SP3: variants seen among roughly 807,000 people sequenced by gnomAD.
SP3 encodes the protein Sp3 transcription factor, also known as transcription factor Sp3.
Under a neutral mutation model 70.3 loss-of-function variants are expected in SP3, and 10 were observed. That is an observed-to-expected ratio of 0.14 (90% CI 0.09 to 0.24). The LOEUF is 0.24. SP3 is among the 10% of genes least tolerant of loss of function. SP3 has a pLI of 1.00. For missense variants in SP3, 825 were observed against 914.6 expected, an observed-to-expected ratio of 0.90 and a Z score of 1.26; for synonymous variants, 402 against 333.5, an observed-to-expected ratio of 1.21 and a Z score of -2.24.
intron 3 of SP3, among the ~76,000 whole-genome samples, chr2:173,963,546 G>A (rs1218075698): frequency 2.0e-5 from 3 of 152,250 alleles, no homozygotes; most frequent in Middle Eastern, 3.4e-3. Flanking sequence ...TGAAGATTTT[G>A]CGCGAGGTGC....
In SP3 at chr2:173,909,906, A is replaced by C; in HGVS notation, c.*35T>G. 1 of 1,594,092 alleles carries C rather than the reference A, an allele frequency of 6.3e-7. No homozygotes were observed. The highest frequency in any genetic ancestry group is 8.6e-7 in the Non-Finnish European group (1 of 1,164,484). ...ACAATATTCTTCTCACTACTGTATA[A>C]AAATAACCACAATGAATAAGTATTT... On this transcript the variant is annotated 3_prime_UTR_variant, in exon 7 of 7. Coordinates refer to ENST00000310015, the MANE Select transcript of SP3 (RefSeq NM_003111.5).
rs1034636444 is a variant in SP3 at position 173,908,363 on chromosome 2, T to C, written c.*1578A>G. The C allele has an allele frequency of 2.0e-5, 3 of 152,442 alleles. No homozygotes were observed. Among genetic ancestry groups the C allele is most frequent in the Non-Finnish European group, 4.4e-5 (3 of 67,912 alleles). The allele number at this position is 152,442 out of a possible 1,614,324, so 9.4% of individuals were successfully genotyped here. A position where few individuals can be genotyped will look rare whatever the true frequency, so the allele number is the denominator to read the frequency against. On this transcript the variant is annotated 3_prime_UTR_variant, in exon 7 of 7. Transcript: ENST00000310015. ...TTATTTACTCTAGGTAAAAAATTAG[T>C]AAATGACCAGTGTCTCTATATATCT...
Position 173,904,945 on chromosome 2 carries a change from G to A in SP3, c.*4996C>T, listed in dbSNP as rs4972420. Among the ~76,000 whole-genome samples the A allele has an allele frequency of 0.036, 5,466 of 152,220 alleles. 165 individuals are homozygous for A. Among genetic ancestry groups the A allele is most frequent in the Admixed American group, 0.1 (1,576 of 15,294 alleles). ...CAGTGCTAGACTTTATCTTTCAGTCGCAATGAACCTGAAGATTCTTCGGCT... is the reference window on the plus strand; with the variant it reads ...CAGTGCTAGACTTTATCTTTCAGTCACAATGAACCTGAAGATTCTTCGGCT... On this transcript the variant is annotated 3_prime_UTR_variant, in exon 7 of 7. Coordinates refer to ENST00000310015, the MANE Select transcript of SP3 (RefSeq NM_003111.5).
At chr2:173,940,735 C>T (rs1300849247) in intron 4 of SP3, among the ~76,000 whole-genome samples, 1 of 152,200 alleles carries the variant, frequency 6.6e-6, no homozygotes, top group East Asian at 1.9e-4. Flanking sequence ...TCACATTTCA[C>T]TTTCCAATTC....
At chr2:173,956,387 CAATAATTA>C (rs1243155572) in intron 3 of SP3, among the ~76,000 whole-genome samples, 155 bp from the exon 4 acceptor site, 3 of 152,154 alleles carry the variant, frequency 2.0e-5, no homozygotes, top group African/African-American at 7.2e-5. Flanking sequence ...ATATGAACTA[CAATAATTA>C]TCACTTCCAG....
intron 4 of SP3, among the ~76,000 whole-genome samples, chr2:173,951,224 CTA>C (rs1429007808): frequency 5.3e-5 from 8 of 152,162 alleles, no homozygotes; most frequent in Non-Finnish European, 1.2e-4. Flanking sequence ...ACATTAAAAA[CTA>C]GTTTCTAAAA....
rs575631164 is a variant in SP3, at chr2:173,952,124, A to G, written c.1639+2749T>C. On this transcript the variant is annotated intron_variant, in intron 4 of 6. Coordinates refer to ENST00000310015, the MANE Select transcript of SP3 (RefSeq NM_003111.5). Reference sequence around the variant, plus strand: ...TCATTTTTTTTTTTTTTTTGAGGAAATATCTGTCACTTAAGTACATTAATC... The same window carrying G: ...TCATTTTTTTTTTTTTTTTGAGGAAGTATCTGTCACTTAAGTACATTAATC... Among the ~76,000 whole-genome samples, 10 of 147,784 alleles carry G rather than the reference A, an allele frequency of 6.8e-5. No individual in the cohort carries two copies. In the South Asian group the frequency reaches 2.1e-3, roughly 31 times the overall value.
At chr2:173,943,668 T>C (rs369632160) in intron 4 of SP3, among the ~76,000 whole-genome samples, 4 of 152,284 alleles carry the variant, frequency 2.6e-5, no homozygotes, top group East Asian at 3.9e-4. Context: ...TATTTAAAAG[T>C]ATTGTATTTG....
chr2:173,956,355 G>T, intron 3 of SP3, 123 bp from the exon 4 acceptor site: 7 of 993,340 alleles, frequency 7.0e-6, no homozygotes, highest in Non-Finnish European at 1.0e-5. Context: ...ACACAATGGA[G>T]TTCAAATACA....
chr2:173,908,337 CTTAT>C lies in SP3; in HGVS notation c.*1600_*1603del, dbSNP rs1459780259. 6.6e-6 allele frequency: 1 copy of C among 152,266 alleles called. No homozygotes were observed. Among genetic ancestry groups the C allele is most frequent in the Admixed American group, 6.6e-5 (1 of 15,266 alleles). The allele number at this position is 152,266 out of a possible 1,614,324, so 9.4% of individuals were successfully genotyped here. ...AAAAATTTTATTTAATAAGCTCATTCTTATTTACTCTAGGTAAAAAATTAGTAAA... is the reference window on the plus strand; with the variant it reads ...AAAAATTTTATTTAATAAGCTCATTCTTACTCTAGGTAAAAAATTAGTAAA... On this transcript the variant is annotated 3_prime_UTR_variant, in exon 7 of 7. Transcript: ENST00000310015.
chr2:173,927,983 T>A (rs527932473), intron 4 of SP3, among the ~76,000 whole-genome samples: 34 of 152,184 alleles, frequency 2.2e-4, no homozygotes, highest in Non-Finnish European at 4.7e-4. Flanking sequence ...AAAACATTCA[T>A]AATTATAGTT....
In SP3 at chr2:173,963,868, G is replaced by A. The variant is rs778290860; in HGVS notation, c.172C>T (p.Pro58Ser). The change falls in exon 3 of 7, where the codon CCG becomes TCG. Residue 58 changes from proline (P) to serine (S), a missense_variant. Pro to Ser is a moderately conservative substitution (Grantham distance 74). This residue lies in a region of SP3 where 678 missense variants were observed against 651.6 expected (regional missense o/e 1.04). Coordinates refer to ENST00000310015, the MANE Select transcript of SP3 (RefSeq NM_003111.5). ...CAGGTAGCGGCCAGCAGAGCGAGCG[G>A]TGACGGCTGAGTGTCCTACCCCCAA... ...AAAAQDTQPSPLALLAATCSK... is the reference protein window; with the variant it reads ...AAAAQDTQPSSLALLAATCSK... 1 of 1,510,502 alleles carries A rather than the reference G, an allele frequency of 6.6e-7. No homozygotes were observed. The highest frequency in any genetic ancestry group is 8.9e-7 in the Non-Finnish European group (1 of 1,127,654). 93.6% of individuals were successfully genotyped at this position (1,510,502 alleles called of 1,614,324 possible). A position where few individuals can be genotyped will look rare whatever the true frequency, so the allele number is the denominator to read the frequency against.
At position 173,955,794 on chromosome 2, in the gene SP3, C is replaced by T. The variant is rs779955429; in HGVS notation, c.718G>A (p.Ala240Thr). 81 of 1,614,082 alleles carry T rather than the reference C, an allele frequency of 5.0e-5. No homozygotes were observed. Among genetic ancestry groups the T allele is most frequent in the Non-Finnish European group, 6.8e-5 (80 of 1,180,038 alleles). Residue 240 changes from alanine (A) to threonine (T), a missense_variant, in exon 4 of 7, where the codon GCA becomes ACA. Transcript: ENST00000310015. ...QTGQVQVQGV[A>T]IGGSSFPGQT... is the part of the protein sequence containing the mutation. The stretch of plus-strand genomic sequence containing the variant: ...CCAGGAAAAGATGAACCACCAATTG[C>T]AACTCCCTGAACCTGGACTTGACCA...
chr2:173,937,544 A>T (rs1245679133), intron 4 of SP3, among the ~76,000 whole-genome samples: 2 of 152,150 alleles, frequency 1.3e-5, no homozygotes, highest in African/African-American at 4.8e-5. Context: ...ATTAAAGTCC[A>T]ATCTTACTTT....
chr2:173,943,148 G>C (rs551655211), intron 4 of SP3, among the ~76,000 whole-genome samples: 1 of 152,204 alleles, frequency 6.6e-6, no homozygotes, highest in East Asian at 1.9e-4. Flanking sequence ...CTGCTGGCGT[G>C]ATCTTTTAAA....
At position 173,905,677 on chromosome 2, in the gene SP3, GA is replaced by G. The variant is rs749315831; in HGVS notation, c.*4263del. ...TAACATCAAATAAAAGCCAACATGG[GA>G]AAAAAAAAAACCTTGTATACCCTTT... On this transcript the variant is annotated 3_prime_UTR_variant, in exon 7 of 7. Coordinates refer to ENST00000310015, the MANE Select transcript of SP3 (RefSeq NM_003111.5). 1.9e-3 allele frequency among the ~76,000 whole-genome samples: 285 copies of G among 146,430 alleles called. No individual in the cohort carries two copies. The highest frequency in any genetic ancestry group is 5.7e-3 in the African/African-American group (227 of 40,176).
intron 4 of SP3, among the ~76,000 whole-genome samples, chr2:173,941,463 A>G (rs892308345): frequency 6.6e-6 from 1 of 152,214 alleles, no homozygotes; most frequent in Non-Finnish European, 1.5e-5. Context: ...ACAAAAAATT[A>G]GCCAGACATG....
chr2:173,926,149 C>A (rs531856837), intron 4 of SP3, among the ~76,000 whole-genome samples: 46 of 152,256 alleles, frequency 3.0e-4, no homozygotes, highest in South Asian at 1.0e-3. Context: ...TACCTCCTTT[C>A]CCACCTCCCA....
rs117542907 is a variant in SP3 at position 173,924,242 on chromosome 2, T to C, written c.1640-5457A>G. ...TTGAAATTAATCTTTTATTAACCTT[T>C]CATTTTTATAGCAGTTTTCCAAATT... On this transcript the variant is annotated intron_variant, in intron 4 of 6. Transcript: ENST00000310015. 6.5e-3 allele frequency among the ~76,000 whole-genome samples: 991 copies of C among 152,336 alleles called. 17 individuals carry two copies. The highest frequency in any genetic ancestry group is 0.038 in the East Asian group (196 of 5,192).
Sources: gnomAD v4.1 joint callset for allele counts (sites outside exome capture counted in the v4.1 genomes callset) on GRCh38, gnomAD v4.1.1 for gene constraint, gnomAD v4.1.1 regional missense constraint, MANE v1.5 for transcripts, NCBI Gene and HGNC (gene_info 2026-07-23, HGNC 2026-07-21) for gene names.